MTDH: variants seen among roughly 807,000 people sequenced by gnomAD.
MTDH encodes protein LYRIC.
A neutral mutation model predicts 72.7 loss-of-function variants in MTDH; 34 were observed. The ratio of observed to expected loss-of-function variants is 0.47; its 90% CI spans 0.36 to 0.62. MTDH has a LOEUF of 0.62. MTDH is among the 20% of genes least tolerant of loss of function. The pLI is 0.00. For synonymous variants in MTDH, 266 were observed against 268.9 expected (o/e 0.99, Z 0.10); for missense variants, 677 against 699.4 (o/e 0.97, Z 0.36).
chr8:97,683,095 C>T (rs1318662400), intron 2 of MTDH, among the ~76,000 whole-genome samples: 1 of 90,760 alleles, frequency 1.1e-5, no homozygotes, highest in Non-Finnish European at 2.0e-5. Flanking sequence ...GATGGAGTCT[C>T]TCTCTGTCAC....
At position 97,724,684 on chromosome 8, in the gene MTDH, G is replaced by T; in HGVS notation, c.*14G>T. ...CGAGAAACGTGAAATTTTTTTTCCTGAATTGGACATGTGTTTGCAAACACT... is the reference window on the plus strand; with the variant it reads ...CGAGAAACGTGAAATTTTTTTTCCTTAATTGGACATGTGTTTGCAAACACT... On this transcript the variant is annotated 3_prime_UTR_variant, in exon 12 of 12. Transcript: ENST00000336273. 1.3e-6 allele frequency: 2 copies of T among 1,574,220 alleles called. No individual in the cohort carries two copies. The highest frequency in any genetic ancestry group is 2.7e-5 in the African/African-American group (2 of 73,112).
At chr8:97,692,603 C>G (rs568166253) in intron 6 of MTDH, among the ~76,000 whole-genome samples, 1 of 152,060 alleles carries the variant, frequency 6.6e-6, no homozygotes, top group Admixed American at 6.6e-5. Context: ...GTTTCAAACT[C>G]CTGACCTCAA....
chr8:97,719,338 C>CA lies in MTDH; in HGVS notation c.1521+154dup, dbSNP rs1431280769. On this transcript the variant is annotated intron_variant, in intron 10 of 11. Transcript: ENST00000336273. ...TGAAACCCCGTCTCTACTAAAAATA[C>CA]AAAAATTAGCCGGGCACGGTGATGG... 4 of 728,042 alleles carry CA rather than the reference C, an allele frequency of 5.5e-6. No homozygotes were observed. The African/African-American group carries it at 7.3e-5, about 13-fold the overall frequency. 45.1% of individuals were successfully genotyped at this position (728,042 alleles called of 1,614,324 possible). A position where few individuals can be genotyped will look rare whatever the true frequency, so the allele number is the denominator to read the frequency against.
Position 97,644,357 on chromosome 8 carries a change from A to G in MTDH, c.-150A>G. The G allele has an allele frequency of 9.2e-7, 1 of 1,083,104 alleles. No individual in the cohort carries two copies. The highest frequency in any genetic ancestry group is 1.3e-6 in the Non-Finnish European group (1 of 796,788). 67.1% of individuals were successfully genotyped at this position (1,083,104 alleles called of 1,614,324 possible). On this transcript the variant is annotated 5_prime_UTR_variant, in exon 1 of 12. Coordinates refer to ENST00000336273, the MANE Select transcript of MTDH (RefSeq NM_178812.4). The stretch of plus-strand genomic sequence containing the variant: ...ACCCCTCCGCCCTCCCCGCGGTGGC[A>G]GCGGCCGATCCCCGGCTCCGGCGCG...
At chr8:97,672,914 A>G (rs1812686668) in intron 2 of MTDH, among the ~76,000 whole-genome samples, 1 of 152,152 alleles carries the variant, frequency 6.6e-6, no homozygotes, top group South Asian at 2.1e-4. Context: ...AGCCCACTCC[A>G]GACATATTTA....
rs941657015 is a variant in MTDH at position 97,714,393 on chromosome 8, A to G, written c.1380+624A>G. On this transcript the variant is annotated intron_variant, in intron 9 of 11. Transcript: ENST00000336273. ...ATTGGAAGGCTAAGGCAGGAGGATC[A>G]CTTCAGTCCAGGAGCTTGAGACCAG... Among the ~76,000 whole-genome samples, 5 of 152,188 alleles carry G rather than the reference A, an allele frequency of 3.3e-5. No homozygotes were observed. The East Asian group carries it at 7.7e-4, about 23-fold the overall frequency.
chr8:97,664,261 C>T (rs1812292257), intron 2 of MTDH, among the ~76,000 whole-genome samples: 3 of 151,748 alleles, frequency 2.0e-5, no homozygotes, highest in Admixed American at 2.0e-4. Flanking sequence ...GAGACTGAGG[C>T]AGGAGAATCA....
At chr8:97,680,552 AAC>A (rs1471576214) in intron 2 of MTDH, among the ~76,000 whole-genome samples, 2 of 152,232 alleles carry the variant, frequency 1.3e-5, no homozygotes, top group African/African-American at 4.8e-5. Context: ...CTTAACATAT[AAC>A]ACAAAGATTT....
At chr8:97,664,801 G>T (rs764469048) in intron 2 of MTDH, among the ~76,000 whole-genome samples, 3 of 141,412 alleles carry the variant, frequency 2.1e-5, no homozygotes, top group Non-Finnish European at 4.5e-5. Flanking sequence ...CACTCTTGTT[G>T]CCCGGGCTGG....
chr8:97,668,241 C>T (rs1306915823), intron 2 of MTDH, among the ~76,000 whole-genome samples: 2 of 152,000 alleles, frequency 1.3e-5, no homozygotes, highest in Admixed American at 6.6e-5. Flanking sequence ...GAGCCCAAAT[C>T]GCATCACTAT....
intron 1 of MTDH, among the ~76,000 whole-genome samples, chr8:97,651,954 T>G (rs917679209): frequency 2.0e-5 from 3 of 152,166 alleles, no homozygotes; most frequent in Admixed American, 2.0e-4. Context: ...GATTCTAATC[T>G]TTTTCTCACC....
In MTDH at chr8:97,668,840, C is replaced by T. The variant is rs533733094; in HGVS notation, c.483+7667C>T. Among the ~76,000 whole-genome samples the T allele has an allele frequency of 8.9e-3, 1,361 of 152,264 alleles. 10 individuals carry two copies. The highest frequency in any genetic ancestry group is 0.016 in the Non-Finnish European group (1,056 of 68,018). On this transcript the variant is annotated intron_variant, in intron 2 of 11. Transcript: ENST00000336273. ...AAAGTGCTGGGATTACAGGCATGAG[C>T]CACCGCGCCCGGCCATGTAACAACT... is the stretch of plus-strand genomic sequence containing the variant.
intron 2 of MTDH, among the ~76,000 whole-genome samples, chr8:97,684,882 A>T (rs944224027): frequency 6.6e-6 from 1 of 152,338 alleles, no homozygotes. Flanking sequence ...CCTGGCTGAC[A>T]TGGTGAAATC....
At chr8:97,718,398 ATAC>A (rs1227169684) in intron 9 of MTDH, among the ~76,000 whole-genome samples, 4 of 152,216 alleles carry the variant, frequency 2.6e-5, no homozygotes, top group African/African-American at 9.6e-5. Flanking sequence ...TTTTCTGTCT[ATAC>A]CCTTTCTACT....
chr8:97,677,346 C>T (rs970168440), intron 2 of MTDH, among the ~76,000 whole-genome samples: 1 of 151,516 alleles, frequency 6.6e-6, no homozygotes, highest in Non-Finnish European at 1.5e-5. Context: ...AAAAAATTAG[C>T]CGGGCATGGT....
chr8:97,686,207 G>A (rs1210801868), intron 2 of MTDH, among the ~76,000 whole-genome samples: 2 of 152,142 alleles, frequency 1.3e-5, no homozygotes, highest in Admixed American at 1.3e-4. Context: ...GTTGCAATAG[G>A]TTTTAATTTT....
rs1017552861 is a variant in MTDH at position 97,725,376 on chromosome 8, G to A, written c.*706G>A. 1 of 152,496 alleles carries A rather than the reference G, an allele frequency of 6.6e-6. No homozygotes were observed. The highest frequency in any genetic ancestry group is 2.4e-5 in the African/African-American group (1 of 41,414). The allele number at this position is 152,496 out of a possible 1,614,324, so 9.4% of individuals were successfully genotyped here. A position where few individuals can be genotyped will look rare whatever the true frequency, so the allele number is the denominator to read the frequency against. On this transcript the variant is annotated 3_prime_UTR_variant, in exon 12 of 12. Transcript: ENST00000336273. ...TTAAATTAAGAAAAGTGAACTATAT[G>A]TATTTGTTTTATACATTTAAGGCTT...
intron 2 of MTDH, among the ~76,000 whole-genome samples, chr8:97,677,004 CAAAAAAAAAA>C (rs57430782): frequency 1.3e-4 from 3 of 23,318 alleles, no homozygotes; most frequent in African/African-American, 5.4e-4. Context: ...GACTCTATCT[CAAAAAAAAAA>C]AAAAAAAAAA....
rs187680286 is a variant in MTDH, at chr8:97,690,931, A to T, written c.812-21A>T. Reference sequence around the variant, plus strand: ...AGAAGTCATGTACCTGTTTTTTAATATTCATTTTCTTTTCTTTAAGTTTCT... The same window carrying T: ...AGAAGTCATGTACCTGTTTTTTAATTTTCATTTTCTTTTCTTTAAGTTTCT... On this transcript the variant is annotated intron_variant, in intron 5 of 11. Coordinates refer to ENST00000336273, the MANE Select transcript of MTDH (RefSeq NM_178812.4). 1.7e-5 allele frequency: 26 copies of T among 1,548,004 alleles called. No homozygotes were observed. The African/African-American group carries it at 3.0e-4, about 18-fold the overall frequency.
Sources: allele counts gnomAD v4.1 joint callset (sites outside exome capture counted in the v4.1 genomes callset), GRCh38; gene constraint gnomAD v4.1.1; transcripts MANE v1.5; gene names NCBI Gene and HGNC (gene_info 2026-07-23, HGNC 2026-07-21).